Variants in RAB11FIP5 observed in about 807,000 individuals in gnomAD.
RAB11FIP5 encodes RAB11 family interacting protein 5, also known as rab11 family-interacting protein 5.
RAB11FIP5 carries 48 observed loss-of-function variants against 85.1 expected under a neutral mutation model. The observed-to-expected ratio is 0.56, with a 90% CI of 0.45 to 0.72. The LOEUF (loss-of-function observed/expected upper bound fraction) is 0.72. RAB11FIP5 is among the 30% of genes least tolerant of loss of function. RAB11FIP5 has a pLI of 0.00. For synonymous variants in RAB11FIP5, 729 were observed against 727.3 expected, an observed-to-expected ratio of 1.00 and a Z score of -0.04; for missense variants, 1,491 against 1,687.0, an observed-to-expected ratio of 0.88 and a Z score of 2.04.
chr2:73,082,042 T>C (rs1264897916), intron 3 of RAB11FIP5, among the ~76,000 whole-genome samples: 1 of 144,152 alleles, frequency 6.9e-6, no homozygotes, highest in Non-Finnish European at 1.5e-5. Context: ...TTACATCCCT[T>C]TTTTTTTTTT....
intron 4 of RAB11FIP5, among the ~76,000 whole-genome samples, chr2:73,076,619 C>T (rs930007571): frequency 1.3e-5 from 2 of 152,148 alleles, no homozygotes; most frequent in African/African-American, 4.8e-5. Context: ...ATTCCCAGGA[C>T]ATGAGACTTT....
At chr2:73,098,474 G>A (rs530866855) in intron 1 of RAB11FIP5, among the ~76,000 whole-genome samples, 1 of 152,350 alleles carries the variant, frequency 6.6e-6, no homozygotes, top group South Asian at 2.1e-4. Flanking sequence ...CCGGCACACG[G>A]GAAACGCACA....
intron 4 of RAB11FIP5, 133 bp from the exon 5 acceptor site, chr2:73,076,315 G>T: frequency 1.1e-6 from 1 of 886,710 alleles, no homozygotes; most frequent in Non-Finnish European, 1.7e-6. Context: ...TGCCCCTACA[G>T]AGTCAAGGTT....
chr2:73,093,531 T>C (rs1475284671), intron 1 of RAB11FIP5, among the ~76,000 whole-genome samples: 1 of 152,194 alleles, frequency 6.6e-6, no homozygotes, highest in Non-Finnish European at 1.5e-5. Flanking sequence ...GTTACAACCC[T>C]GCAGGGCCCT....
chr2:73,085,772 G>T (rs931772898), intron 3 of RAB11FIP5, among the ~76,000 whole-genome samples: 1 of 152,106 alleles, frequency 6.6e-6, no homozygotes, highest in African/African-American at 2.4e-5. Context: ...GTTCAGCCCC[G>T]GGCCTCTCTG....
At position 73,088,156 on chromosome 2, in the gene RAB11FIP5, C is replaced by T. The variant is rs916758480; in HGVS notation, c.1462G>A (p.Gly488Ser). Residue 488 changes from glycine (G) to serine (S), a missense_variant, in exon 3 of 6, where the codon GGT becomes AGT. Gly to Ser is a moderately conservative substitution (Grantham distance 56, BLOSUM62 0). Coordinates refer to ENST00000486777, the MANE Select transcript of RAB11FIP5 (RefSeq NM_001371272.1). ...GRRSSLGEKGGPILGASPHHS... is the reference protein window; with the variant it reads ...GRRSSLGEKGSPILGASPHHS... ...TGTGGGGAGGCCCCCAGGATGGGAC[C>T]CCCCTTTTCCCCCAGAGAGCTTCGG... The T allele has an allele frequency of 1.2e-6, 2 of 1,614,046 alleles. No homozygotes were observed. Among genetic ancestry groups the T allele is most frequent in the Non-Finnish European group, 1.7e-6 (2 of 1,180,016 alleles).
intron 4 of RAB11FIP5, among the ~76,000 whole-genome samples, chr2:73,077,664 C>T (rs556579111): frequency 4.6e-5 from 7 of 152,234 alleles, no homozygotes; most frequent in Non-Finnish European, 7.3e-5. Flanking sequence ...CCCTTCCTCC[C>T]GTTGGCTCAC....
Position 73,086,034 on chromosome 2 carries a change from T to C in RAB11FIP5, c.1568+2016A>G, listed in dbSNP as rs2106107946. Among the ~76,000 whole-genome samples the C allele has an allele frequency of 1.3e-5, 2 of 152,276 alleles. No individual in the cohort carries two copies. Among genetic ancestry groups the C allele is most frequent in the South Asian group, 4.1e-4 (2 of 4,830 alleles). On this transcript the variant is annotated intron_variant, in intron 3 of 5. Transcript: ENST00000486777. The surrounding 1 kb of genome is among the most constrained non-coding windows in gnomAD (Gnocchi z 4.4). ...CCTCAGAGGCCCTAAGCAAGCCCTCTGGGGAAGCGCCAACAGTCCTTTCTT... is the reference window on the plus strand; with the variant it reads ...CCTCAGAGGCCCTAAGCAAGCCCTCCGGGGAAGCGCCAACAGTCCTTTCTT...
Position 73,074,917 on chromosome 2 carries a change from A to T in RAB11FIP5, c.*604T>A, listed in dbSNP as rs1574290860. 3 of 325,928 alleles carry T rather than the reference A, an allele frequency of 9.2e-6. No individual in the cohort carries two copies. The highest frequency in any genetic ancestry group is 7.7e-5 in the East Asian group (1 of 13,048). The allele number at this position is 325,928 out of a possible 1,614,324, so 20.2% of individuals were successfully genotyped here. A position where few individuals can be genotyped will look rare whatever the true frequency, so the allele number is the denominator to read the frequency against. On this transcript the variant is annotated 3_prime_UTR_variant, in exon 6 of 6. Coordinates refer to ENST00000486777, the MANE Select transcript of RAB11FIP5 (RefSeq NM_001371272.1). ...ACTGTCCACATGGCACTCGCCCCAC[A>T]AACAGCTCCAGACTGAAGCAGACTC...
chr2:73,080,603 C>T lies in RAB11FIP5; in HGVS notation c.2629G>A (p.Gly877Arg), dbSNP rs1683956279. The T allele has an allele frequency of 1.6e-6, 2 of 1,232,218 alleles. No individual in the cohort carries two copies. Among genetic ancestry groups the T allele is most frequent in the African/African-American group, 1.6e-5 (1 of 64,410 alleles). 76.3% of individuals were successfully genotyped at this position (1,232,218 alleles called of 1,614,324 possible). The change falls in exon 4 of 6, where the codon GGG becomes AGG. Residue 877 changes from glycine (G) to arginine (R), a missense_variant. Gly to Arg is a moderately radical substitution (Grantham distance 125, BLOSUM62 -2). Transcript: ENST00000486777. ...PETVSPKGSE[G>R]LPPPEPEPKP... ...GGCTCGGGCTCCGGTGGGGGAAGCC[C>T]CTCGCTCCCCTTGGGGCTCACAGTT...
Position 73,080,207 on chromosome 2 carries a change from T to C in RAB11FIP5, c.3025A>G (p.Lys1009Glu), listed in dbSNP as rs1574293514. The C allele has an allele frequency of 8.1e-7, 1 of 1,232,178 alleles. No homozygotes were observed. Among genetic ancestry groups the C allele is most frequent in the Non-Finnish European group, 1.0e-6 (1 of 988,102 alleles). The allele number at this position is 1,232,178 out of a possible 1,614,324, so 76.3% of individuals were successfully genotyped here. Residue 1009 changes from lysine (K) to glutamate (E), a missense_variant, in exon 4 of 6, where the codon AAG (lysine) becomes GAG (glutamate). Lys to Glu is a moderately conservative substitution (Grantham distance 56, BLOSUM62 1). Coordinates refer to ENST00000486777, the MANE Select transcript of RAB11FIP5 (RefSeq NM_001371272.1). ...EGPAPIPCHS[K>E]SLALQSQHIW... is the part of the protein sequence containing the mutation. The stretch of plus-strand genomic sequence containing the variant: ...TGCTGACTCTGAAGAGCCAAGCTCT[T>C]TGAGTGACAGGGTATGGGGGCAGGA...
chr2:73,077,354 C>T (rs1040045062), intron 4 of RAB11FIP5, among the ~76,000 whole-genome samples: 6 of 152,204 alleles, frequency 3.9e-5, no homozygotes, highest in Admixed American at 6.5e-5. Flanking sequence ...GCACTGCCAC[C>T]TTCCTACCTT....
intron 1 of RAB11FIP5, among the ~76,000 whole-genome samples, chr2:73,106,357 A>T (rs1360197948): frequency 6.6e-6 from 1 of 152,212 alleles, no homozygotes; most frequent in Non-Finnish European, 1.5e-5. Context: ...CTCCTCACAG[A>T]GGAGGAGACC....
intron 1 of RAB11FIP5, among the ~76,000 whole-genome samples, chr2:73,106,590 A>G (rs910624327): frequency 1.3e-5 from 2 of 152,158 alleles, no homozygotes; most frequent in Non-Finnish European, 2.9e-5. Context: ...AGAGAAGCCC[A>G]ATGTCCCCAT....
chr2:73,093,050 G>A (rs562320794), intron 1 of RAB11FIP5, among the ~76,000 whole-genome samples: 28 of 152,252 alleles, frequency 1.8e-4, no homozygotes, highest in South Asian at 6.2e-4. Flanking sequence ...CAGACCTGTC[G>A]GGCACCATGG....
At position 73,080,778 on chromosome 2, in the gene RAB11FIP5, G is replaced by A. The variant is rs1172009189; in HGVS notation, c.2454C>T (p.Gly818=). 1.3e-5 allele frequency: 16 copies of A among 1,232,290 alleles called. No homozygotes were observed. The highest frequency in any genetic ancestry group is 1.6e-5 in the Non-Finnish European group (16 of 988,114). The allele number at this position is 1,232,290 out of a possible 1,614,324, so 76.3% of individuals were successfully genotyped here. A position where few individuals can be genotyped will look rare whatever the true frequency, so the allele number is the denominator to read the frequency against. ...CGACGTCAGGGCAAAGCTGATTTTC[G>A]CCTCGGGAGGACTCATCGTCCTGGC... ...AEGQDDESSR[G]ENQLCPDVET... Residue 818 remains glycine (G), a synonymous_variant, in exon 4 of 6, where the codon GGC becomes GGT. Coordinates refer to ENST00000486777, the MANE Select transcript of RAB11FIP5 (RefSeq NM_001371272.1).
intron 1 of RAB11FIP5, among the ~76,000 whole-genome samples, chr2:73,091,930 G>C (rs1396841988): frequency 6.6e-6 from 1 of 152,126 alleles, no homozygotes; most frequent in Non-Finnish European, 1.5e-5. Context: ...GAAAATGCCC[G>C]AGCGGGTGCC....
At position 73,088,755 on chromosome 2, in the gene RAB11FIP5, G is replaced by A. The variant is rs1253632170; in HGVS notation, c.869-6C>T. ...GGACTGTGCAGAGTCCCTGCCTGCA[G>A]GGGAAACACACAGAGTTAGCTCGCA... On this transcript the variant is annotated splice_polypyrimidine_tract_variant and splice_region_variant and intron_variant, in intron 2 of 5. Coordinates refer to ENST00000486777, the MANE Select transcript of RAB11FIP5 (RefSeq NM_001371272.1). The A allele has an allele frequency of 6.3e-7, 1 of 1,576,440 alleles. No individual in the cohort carries two copies. The highest frequency in any genetic ancestry group is 8.6e-7 in the Non-Finnish European group (1 of 1,163,568).
At chr2:73,096,678 TCCA>T (rs2106117323) in intron 1 of RAB11FIP5, among the ~76,000 whole-genome samples, 1 of 152,232 alleles carries the variant, frequency 6.6e-6, no homozygotes, top group Non-Finnish European at 1.5e-5. Flanking sequence ...CATAGTCCCA[TCCA>T]CCACCACCTC....
Sources: allele counts gnomAD v4.1 joint callset (sites outside exome capture counted in the v4.1 genomes callset), GRCh38; gene constraint gnomAD v4.1.1; non-coding constraint Gnocchi (gnomAD v3.1); transcripts MANE v1.5; gene names NCBI Gene and HGNC (gene_info 2026-07-23, HGNC 2026-07-21).